DPY19L4: variants seen among roughly 807,000 people sequenced by gnomAD.
DPY19L4 encodes dpy-19 like 4.
A neutral mutation model predicts 102.8 loss-of-function variants in DPY19L4; 97 were observed. The ratio of observed to expected loss-of-function variants is 0.94; its 90% CI spans 0.80 to 1.12. The LOEUF is 1.12. DPY19L4 is among the 50% of genes most tolerant of loss of function. DPY19L4 has a pLI of 0.00. For synonymous variants in DPY19L4, 252 were observed against 283.1 expected, an observed-to-expected ratio of 0.89 and a Z score of 1.10; for missense variants, 815 against 850.4, an observed-to-expected ratio of 0.96 and a Z score of 0.52.
Position 94,735,819 on chromosome 8 carries a change from G to T in DPY19L4, c.252+1065G>T, listed in dbSNP as rs573301633. Among the ~76,000 whole-genome samples, 13 of 152,258 alleles carry T rather than the reference G, an allele frequency of 8.5e-5. No homozygotes were observed. In the East Asian group the frequency reaches 2.3e-3, roughly 27 times the overall value. ...ATCTACAGTTTAATAAGGTCTCCAG[G>T]TGTTTCATATACCCAGTAGATTTGA... is the stretch of plus-strand genomic sequence containing the variant. On this transcript the variant is annotated intron_variant, in intron 3 of 18. Transcript: ENST00000414645.
At chr8:94,788,149 G>A (rs4442108) in intron 18 of DPY19L4, 97 bp downstream of exon 18, 1 of 598,686 alleles carries the variant, frequency 1.7e-6, no homozygotes. Context: ...TTTATTTTTA[G>A]AACTTAACTA....
chr8:94,768,513 T>C lies in DPY19L4; in HGVS notation c.1294T>C (p.Cys432Arg), dbSNP rs1352761939. ...TTTCTACATTCTAGTGTTAATTATT[T>C]GTTTTCTTTCTATGTTGCAAGTTAT... ...LPFYILVLII[C>R]FLSMLQVIFR... Residue 432 changes from cysteine (C) to arginine (R), a missense_variant, in exon 12 of 19, where the codon TGT becomes CGT. Physicochemically the swap from Cys to Arg is radical, Grantham distance 180 (BLOSUM62 -3). Coordinates refer to ENST00000414645, the MANE Select transcript of DPY19L4 (RefSeq NM_181787.3). 1 of 1,573,284 alleles carries C rather than the reference T, an allele frequency of 6.4e-7. No homozygotes were observed. The highest frequency in any genetic ancestry group is 8.7e-7 in the Non-Finnish European group (1 of 1,152,692).
At chr8:94,735,560 C>G (rs1473512146) in intron 3 of DPY19L4, among the ~76,000 whole-genome samples, 1 of 152,178 alleles carries the variant, frequency 6.6e-6, no homozygotes, top group African/African-American at 2.4e-5. Context: ...AAGATAACCT[C>G]CCTCTCAGAT....
chr8:94,773,741 T>G (rs1205280320), intron 13 of DPY19L4, among the ~76,000 whole-genome samples: 1 of 151,730 alleles, frequency 6.6e-6, no homozygotes, highest in African/African-American at 2.4e-5. Flanking sequence ...TGTTTTTGTG[T>G]TTTTGAGAGA....
chr8:94,747,073 T>A (rs1394326058), intron 6 of DPY19L4, among the ~76,000 whole-genome samples: 4 of 151,828 alleles, frequency 2.6e-5, no homozygotes, highest in Non-Finnish European at 1.5e-5. Flanking sequence ...TTGTTTCGGG[T>A]TTTTTGAGAC....
At chr8:94,755,727 A>G (rs1480968808) in intron 6 of DPY19L4, among the ~76,000 whole-genome samples, 2 of 152,156 alleles carry the variant, frequency 1.3e-5, no homozygotes, top group African/African-American at 4.8e-5. Flanking sequence ...TCTACTAAAA[A>G]TATAAAAATT....
chr8:94,758,110 C>T (rs1482569983), intron 7 of DPY19L4, among the ~76,000 whole-genome samples: 1 of 151,490 alleles, frequency 6.6e-6, no homozygotes, highest in Non-Finnish European at 1.5e-5. Flanking sequence ...GACTCCATCT[C>T]CAAAAAAAAA....
chr8:94,759,457 G>A (rs1015604106), intron 7 of DPY19L4, among the ~76,000 whole-genome samples: 14 of 151,000 alleles, frequency 9.3e-5, no homozygotes, highest in Non-Finnish European at 1.6e-4. Context: ...TCTCAAAAGC[G>A]CTGAGATTAC....
At chr8:94,763,749 C>T (rs1812506075) in intron 8 of DPY19L4, among the ~76,000 whole-genome samples, 1 of 151,860 alleles carries the variant, frequency 6.6e-6, no homozygotes, top group African/African-American at 2.4e-5. Flanking sequence ...TGGTCTTGAA[C>T]TCCTGGCCTC....
Position 94,734,743 on chromosome 8 carries a change from T to C in DPY19L4, c.241T>C (p.Ser81Pro), listed in dbSNP as rs776348645. Residue 81 changes from serine (S) to proline (P), a missense_variant, in exon 3 of 19, where the codon TCC becomes CCC. Physicochemically the swap from Ser to Pro is moderately conservative, Grantham distance 74. Transcript: ENST00000414645. ...SAYHERKFWF[S>P]NRQELEREIT... ...ATACCATGAACGGAAATTCTGGTTTTCCAACAGGCAGGTAAGAAGAAAGAA... is the reference window on the plus strand; with the variant it reads ...ATACCATGAACGGAAATTCTGGTTTCCCAACAGGCAGGTAAGAAGAAAGAA... The C allele has an allele frequency of 6.2e-7, 1 of 1,613,686 alleles. No homozygotes were observed. The highest frequency in any genetic ancestry group is 2.2e-5 in the East Asian group (1 of 44,842).
intron 8 of DPY19L4, among the ~76,000 whole-genome samples, chr8:94,763,694 T>TA (rs1812503852): frequency 6.6e-6 from 1 of 151,980 alleles, no homozygotes; most frequent in Non-Finnish European, 1.5e-5. Flanking sequence ...CTCATTTTTT[T>TA]TTTTTATTTT....
chr8:94,755,123 A>G (rs1812103975), intron 6 of DPY19L4, among the ~76,000 whole-genome samples: 1 of 152,178 alleles, frequency 6.6e-6, no homozygotes, highest in African/African-American at 2.4e-5. Flanking sequence ...GGAATTTTCA[A>G]AAGTCTCTAA....
Position 94,768,473 on chromosome 8 carries a change from GTCT to G in DPY19L4, c.1259_1261del (p.Ser420del), listed in dbSNP as rs759705418. ...AAGATTTTTTTCTGCGATTGACACA[GTCT>G]TCTTTATTACCTTTCTACATTCTAG... On this transcript the variant is annotated inframe_deletion, in exon 12 of 19. Transcript: ENST00000414645. 5 of 1,604,048 alleles carry G rather than the reference GTCT, an allele frequency of 3.1e-6. No individual in the cohort carries two copies. The highest frequency in any genetic ancestry group is 4.3e-6 in the Non-Finnish European group (5 of 1,173,666).
At chr8:94,753,841 C>A (rs1279388165) in intron 6 of DPY19L4, among the ~76,000 whole-genome samples, 1 of 152,094 alleles carries the variant, frequency 6.6e-6, no homozygotes, top group Non-Finnish European at 1.5e-5. Flanking sequence ...CCACTGCACT[C>A]CAGCCTGGGC....
At chr8:94,734,521 C>G in intron 2 of DPY19L4, 109 bp from the exon 3 acceptor site, 1 of 1,111,336 alleles carries the variant, frequency 9.0e-7, no homozygotes, top group Non-Finnish European at 1.3e-6. Context: ...CAATTAGACT[C>G]GAGTTGTGGG....
intron 1 of DPY19L4, among the ~76,000 whole-genome samples, chr8:94,724,769 G>A (rs1187408711): frequency 6.6e-6 from 1 of 152,080 alleles, no homozygotes; most frequent in East Asian, 1.9e-4. Context: ...TCTATTTTTA[G>A]TAGAGACAGG....
intron 7 of DPY19L4, among the ~76,000 whole-genome samples, chr8:94,759,059 C>G (rs1043575825): frequency 1.3e-5 from 2 of 152,026 alleles, no homozygotes; most frequent in Non-Finnish European, 2.9e-5. Context: ...AGAATGAAGC[C>G]GCGGACCCTT....
rs529463301 is a variant in DPY19L4, at chr8:94,771,828, TCCTTA to T, written c.1454+1263_1454+1267del. ...CTTTGGAGTTTTCCCTTTTATCCTT[TCCTTA>T]CCTTATTTCTTTTATTGTCTTTCAA... is the stretch of plus-strand genomic sequence containing the variant. On this transcript the variant is annotated intron_variant, in intron 13 of 18. Transcript: ENST00000414645. Among the ~76,000 whole-genome samples, 22 of 152,342 alleles carry T rather than the reference TCCTTA, an allele frequency of 1.4e-4. 2 individuals carry two copies. In the South Asian group the frequency reaches 4.6e-3, roughly 32 times the overall value.
intron 2 of DPY19L4, among the ~76,000 whole-genome samples, chr8:94,729,342 A>G (rs989410573): frequency 6.6e-6 from 1 of 152,026 alleles, no homozygotes; most frequent in African/African-American, 2.4e-5. Flanking sequence ...ACTGCACTCC[A>G]GCCTGGGTGA....
Sources: gnomAD v4.1 joint callset for allele counts (sites outside exome capture counted in the v4.1 genomes callset) on GRCh38, gnomAD v4.1.1 for gene constraint, MANE v1.5 for transcripts, NCBI Gene and HGNC (gene_info 2026-07-23, HGNC 2026-07-21) for gene names.